The following CNTN5 variants were observed in gnomAD, a reference collection of about 807,000 sequenced individuals.
The protein encoded by CNTN5 is contactin-5.
A neutral mutation model predicts 129.1 loss-of-function variants in CNTN5; 77 were observed. The ratio of observed to expected loss-of-function variants is 0.60; its 90% CI spans 0.50 to 0.72. The LOEUF is 0.72. CNTN5 is among the 30% of genes least tolerant of loss of function. The probability of loss-of-function intolerance (pLI) is 0.00; values close to 1 mark genes in which losing one functional copy is unlikely to be tolerated. For synonymous variants in CNTN5, 509 were observed against 465.6 expected, an observed-to-expected ratio of 1.09 and a Z score of -1.20; for missense variants, 1,478 against 1,328.8, an observed-to-expected ratio of 1.11 and a Z score of -1.75.
At chr11:99,308,645 G>C (rs1435139576) in intron 1 of CNTN5, among the ~76,000 whole-genome samples, 1 of 152,034 alleles carries the variant, frequency 6.6e-6, no homozygotes, top group Non-Finnish European at 1.5e-5. Context: ...ATTACTATAA[G>C]CTTTCAGGAA....
At chr11:99,448,629 G>T (rs1450378645) in intron 2 of CNTN5, among the ~76,000 whole-genome samples, 1 of 151,804 alleles carries the variant, frequency 6.6e-6, no homozygotes, top group Non-Finnish European at 1.5e-5. Flanking sequence ...ATGAAATTCT[G>T]CACCTGAAAA....
At chr11:99,144,617 TTTGA>T in intron 1 of CNTN5, among the ~76,000 whole-genome samples, 1 of 152,324 alleles carries the variant, frequency 6.6e-6, no homozygotes, top group Non-Finnish European at 1.5e-5. Context: ...TCTTAATTCC[TTTGA>T]TTATTTTTTT....
In CNTN5 at chr11:100,221,810, A is replaced by T. The variant is rs562429619; in HGVS notation, c.1885-2882A>T. On this transcript the variant is annotated intron_variant, in intron 15 of 24. Transcript: ENST00000524871. ...CATAAGGTCAACGAAAGCAGAAAAA[A>T]AAAAGACAGAAAATAAAGCAAGTGT... 9.8e-5 allele frequency among the ~76,000 whole-genome samples: 15 copies of T among 152,332 alleles called. No homozygotes were observed. In the South Asian group the frequency reaches 3.1e-3, roughly 32 times the overall value.
At chr11:99,329,319 G>C (rs892189791) in intron 2 of CNTN5, among the ~76,000 whole-genome samples, 1 of 152,164 alleles carries the variant, frequency 6.6e-6, no homozygotes, top group Non-Finnish European at 1.5e-5. Context: ...TAATATGAAT[G>C]TATGCAAAAT....
At chr11:99,763,338 A>C (rs922373258) in intron 3 of CNTN5, among the ~76,000 whole-genome samples, 1 of 152,152 alleles carries the variant, frequency 6.6e-6, no homozygotes, top group Non-Finnish European at 1.5e-5. Flanking sequence ...AACACCAAAC[A>C]AAAGGATAAT....
chr11:99,320,357 G>T (rs1447676908), intron 1 of CNTN5, among the ~76,000 whole-genome samples: 1 of 152,186 alleles, frequency 6.6e-6, no homozygotes, highest in Non-Finnish European at 1.5e-5. Context: ...TGTTACCATT[G>T]CTGTTGGAAG....
rs548761038 is a variant in CNTN5 at position 100,093,504 on chromosome 11, T to C, written c.1580+19210T>C. Among the ~76,000 whole-genome samples the C allele has an allele frequency of 5.9e-5, 9 of 152,204 alleles. No homozygotes were observed. In the East Asian group the frequency reaches 9.7e-4, roughly 16 times the overall value. On this transcript the variant is annotated intron_variant, in intron 13 of 24. Coordinates refer to ENST00000524871, the MANE Select transcript of CNTN5 (RefSeq NM_014361.4). The stretch of plus-strand genomic sequence containing the variant: ...TAGGTCTCAAGCTCCTGGCCTCAAG[T>C]GGTTCTCCCACTTCAACCTCCCAAA...
chr11:99,435,310 A>G (rs1943556605), intron 2 of CNTN5, among the ~76,000 whole-genome samples: 1 of 152,154 alleles, frequency 6.6e-6, no homozygotes, highest in Admixed American at 6.6e-5. Context: ...ACTTTTTAAA[A>G]ACAGTTTATT....
chr11:99,487,261 G>A (rs180930768), intron 2 of CNTN5, among the ~76,000 whole-genome samples: 4 of 152,318 alleles, frequency 2.6e-5, no homozygotes, highest in African/African-American at 9.6e-5. Flanking sequence ...TAGGATGTAA[G>A]TGTGAACCTG....
chr11:99,349,330 C>T (rs1397282547), intron 2 of CNTN5, among the ~76,000 whole-genome samples: 2 of 152,142 alleles, frequency 1.3e-5, no homozygotes, highest in African/African-American at 4.8e-5. Flanking sequence ...TGGCCGTCTG[C>T]CAGAAAATAT....
chr11:99,547,272 G>A (rs1316820625), intron 2 of CNTN5, among the ~76,000 whole-genome samples: 1 of 152,108 alleles, frequency 6.6e-6, no homozygotes, highest in Non-Finnish European at 1.5e-5. Context: ...CCCAAGTGCT[G>A]GGATTACAGG....
chr11:100,310,576 A>G (rs1951450960), intron 21 of CNTN5, among the ~76,000 whole-genome samples: 1 of 151,984 alleles, frequency 6.6e-6, no homozygotes, highest in Non-Finnish European at 1.5e-5. Flanking sequence ...TGAAGCTTGT[A>G]TTGTAGTAGG....
rs549606548 is a variant in CNTN5, at chr11:99,766,814, T to G, written c.56-52730T>G. ...TTTGTTAATTATTTTCAAATATAAA[T>G]GACATAGTCAAGAGCATTTCACTTG... is the stretch of plus-strand genomic sequence containing the variant. On this transcript the variant is annotated intron_variant, in intron 3 of 24. Transcript: ENST00000524871. Among the ~76,000 whole-genome samples the G allele has an allele frequency of 4.6e-5, 7 of 152,184 alleles. No homozygotes were observed. The South Asian group carries it at 1.0e-3, about 23-fold the overall frequency.
At chr11:100,155,374 G>C (rs985762229) in intron 13 of CNTN5, among the ~76,000 whole-genome samples, 8 of 151,992 alleles carry the variant, frequency 5.3e-5, no homozygotes, top group Non-Finnish European at 8.8e-5. Flanking sequence ...TGTTCCATTG[G>C]TCTATGTATC....
At chr11:99,239,657 C>T (rs189842070) in intron 1 of CNTN5, among the ~76,000 whole-genome samples, 107 of 152,226 alleles carry the variant, frequency 7.0e-4, no homozygotes, top group African/African-American at 2.4e-3. Context: ...CACATAAGGC[C>T]GGGCGCGGTG....
chr11:99,134,332 T>G (rs1201048093), intron 1 of CNTN5, among the ~76,000 whole-genome samples: 1 of 152,124 alleles, frequency 6.6e-6, no homozygotes, highest in Non-Finnish European at 1.5e-5. Context: ...GGTTGACAGG[T>G]GCAGCAAACC....
chr11:99,880,455 G>A (rs1053431081), intron 6 of CNTN5, among the ~76,000 whole-genome samples: 6 of 152,074 alleles, frequency 3.9e-5, no homozygotes, highest in African/African-American at 1.4e-4. Context: ...CGTGGTTAAT[G>A]AAATAGAACA....
intron 13 of CNTN5, among the ~76,000 whole-genome samples, chr11:100,157,281 T>G (rs1947278769): frequency 6.6e-6 from 1 of 152,074 alleles, no homozygotes; most frequent in Non-Finnish European, 1.5e-5. Context: ...GATTACGTTT[T>G]AGAAATAAGA....
chr11:99,622,105 A>G (rs769420026), intron 3 of CNTN5, among the ~76,000 whole-genome samples: 1 of 152,176 alleles, frequency 6.6e-6, no homozygotes, highest in Non-Finnish European at 1.5e-5. Flanking sequence ...CACATCTTCT[A>G]TCTGTTGCCT....
Sources: gnomAD v4.1 joint callset for allele counts (sites outside exome capture counted in the v4.1 genomes callset) on GRCh38, gnomAD v4.1.1 for gene constraint, MANE v1.5 for transcripts, NCBI Gene and HGNC (gene_info 2026-07-23, HGNC 2026-07-21) for gene names.